ZNF536: variants seen among roughly 807,000 people sequenced by gnomAD.
ZNF536 encodes the protein zinc finger protein 536.
In ZNF536, 13 loss-of-function variants were observed where a neutral mutation model predicts 84.5. The ratio of observed to expected loss-of-function variants is 0.15; its 90% CI spans 0.10 to 0.24. ZNF536 has a LOEUF of 0.24. Among genes scored for constraint, ZNF536 ranks in the 10% least tolerant of loss-of-function variants. ZNF536 has a pLI of 1.00. For missense variants in ZNF536, 1,536 were observed against 1,747.5 expected, an observed-to-expected ratio of 0.88 and a Z score of 2.16; for synonymous variants, 811 against 742.5, an observed-to-expected ratio of 1.09 and a Z score of -1.50.
chr19:30,361,342 T>C (rs887551119), intron 3 of ZNF536, among the ~76,000 whole-genome samples: 2 of 152,136 alleles, frequency 1.3e-5, no homozygotes, highest in Non-Finnish European at 2.9e-5. Flanking sequence ...TTTTCTCTTC[T>C]TTTTCTTTTT....
chr19:30,673,527 C>A (rs890997242), intron 1 of ZNF536, among the ~76,000 whole-genome samples: 2 of 152,180 alleles, frequency 1.3e-5, no homozygotes, highest in Non-Finnish European at 2.9e-5. Flanking sequence ...CTGGCACATA[C>A]ATCGCCCGCA....
intron 2 of ZNF536, among the ~76,000 whole-genome samples, chr19:30,318,995 G>A (rs1267743312): frequency 4.6e-5 from 7 of 152,190 alleles, no homozygotes; most frequent in African/African-American, 1.4e-4. Flanking sequence ...AACTTCTTTG[G>A]CTGGATGGAC....
At chr19:30,480,978 G>C (rs1013608674) in intron 2 of ZNF536, among the ~76,000 whole-genome samples, 1 of 150,050 alleles carries the variant, frequency 6.7e-6, no homozygotes, top group South Asian at 2.1e-4. Flanking sequence ...GCAGTGAGCC[G>C]AGTTCATGTC....
chr19:30,461,294 T>A (rs2053123317), intron 2 of ZNF536, among the ~76,000 whole-genome samples: 1 of 152,132 alleles, frequency 6.6e-6, no homozygotes, highest in Non-Finnish European at 1.5e-5. Flanking sequence ...TAACTCCACC[T>A]TTGGGCCATG....
intron 2 of ZNF536, among the ~76,000 whole-genome samples, chr19:30,453,836 G>A (rs1250670240): frequency 6.6e-6 from 1 of 152,238 alleles, no homozygotes; most frequent in East Asian, 1.9e-4. Flanking sequence ...AGAGAAAGTT[G>A]TCCAGGGCTT....
chr19:30,636,600 T>A (rs2049075732), intron 1 of ZNF536, among the ~76,000 whole-genome samples: 1 of 152,186 alleles, frequency 6.6e-6, no homozygotes. Context: ...GATGTTGGAT[T>A]TCCCCCACCC....
intron 1 of ZNF536, among the ~76,000 whole-genome samples, chr19:30,269,135 A>G (rs898924564): frequency 4.6e-5 from 7 of 152,388 alleles, no homozygotes; most frequent in African/African-American, 1.4e-4. Context: ...ACTTAAGGCA[A>G]GCATGGCTTT....
intron 1 of ZNF536, among the ~76,000 whole-genome samples, chr19:30,413,577 G>C (rs1700503561): frequency 6.6e-6 from 1 of 152,006 alleles, no homozygotes; most frequent in Non-Finnish European, 1.5e-5. Flanking sequence ...GTTGGGTATG[G>C]GGTTCTGTCA....
intron 3 of ZNF536, among the ~76,000 whole-genome samples, chr19:30,537,046 G>A (rs866183687): frequency 1.3e-5 from 2 of 152,246 alleles, no homozygotes; most frequent in Middle Eastern, 3.4e-3. Context: ...CCATGCATTT[G>A]TATTTCGTTG....
chr19:30,379,878 C>T (rs1431514447), intron 1 of ZNF536, among the ~76,000 whole-genome samples: 1 of 152,104 alleles, frequency 6.6e-6, no homozygotes, highest in Non-Finnish European at 1.5e-5. Flanking sequence ...TGCTAAGTGC[C>T]CTACTTACCT....
chr19:30,281,116 C>T (rs1043801601), intron 1 of ZNF536, among the ~76,000 whole-genome samples: 1 of 152,202 alleles, frequency 6.6e-6, no homozygotes, highest in East Asian at 1.9e-4. Context: ...CCTGTGCTCC[C>T]ACTTCCCCTT....
intron 1 of ZNF536, among the ~76,000 whole-genome samples, chr19:30,376,338 G>C (rs1470872924): frequency 6.6e-6 from 1 of 152,148 alleles, no homozygotes. Context: ...GGCTGGCCCT[G>C]TTCCACCCCG....
At chr19:30,601,846 G>A (rs548876374) in intron 1 of ZNF536, among the ~76,000 whole-genome samples, 25 of 152,216 alleles carry the variant, frequency 1.6e-4, no homozygotes, top group African/African-American at 3.1e-4. Context: ...TGGTGGCACC[G>A]TGGCTAGGAT....
chr19:30,383,814 CTCTTTCTTTCTT>C (rs1320247835), intron 1 of ZNF536, among the ~76,000 whole-genome samples: 1 of 141,968 alleles, frequency 7.0e-6, no homozygotes, highest in Non-Finnish European at 1.5e-5. Flanking sequence ...CTTTCTTTCT[CTCTTTCTTTCTT>C]TCTCCTTCTT....
chr19:30,391,786 C>T (rs1244130357), intron 1 of ZNF536, among the ~76,000 whole-genome samples: 1 of 152,162 alleles, frequency 6.6e-6, no homozygotes, highest in African/African-American at 2.4e-5. Context: ...TTCCACTAAA[C>T]TTTCCCTTGT....
chr19:30,701,644 C>T (rs528185422), intron 1 of ZNF536, among the ~76,000 whole-genome samples: 4 of 152,344 alleles, frequency 2.6e-5, no homozygotes, highest in African/African-American at 9.6e-5. Flanking sequence ...ACCAGAGGCC[C>T]CTCTTTGTAG....
chr19:30,569,601 T>C (rs2046472483), intron 1 of ZNF536, among the ~76,000 whole-genome samples: 1 of 137,286 alleles, frequency 7.3e-6, no homozygotes. Flanking sequence ...AGACAGAGTT[T>C]GCTCTGTCAC....
At chr19:30,522,131 C>T (rs1225830978) in intron 2 of ZNF536, among the ~76,000 whole-genome samples, 1 of 151,402 alleles carries the variant, frequency 6.6e-6, no homozygotes, top group East Asian at 1.9e-4. Flanking sequence ...CCTCAGCTGT[C>T]TCCTTGGCTC....
chr19:30,695,033 T>A (rs1036326389), intron 1 of ZNF536, among the ~76,000 whole-genome samples: 4 of 152,132 alleles, frequency 2.6e-5, no homozygotes, highest in African/African-American at 9.7e-5. Flanking sequence ...ACGTGGAGAA[T>A]GGGAGGAAGA....
Sources: gnomAD v4.1 joint callset for allele counts (sites outside exome capture counted in the v4.1 genomes callset) on GRCh38, gnomAD v4.1.1 for gene constraint, MANE v1.5 for transcripts, NCBI Gene and HGNC (gene_info 2026-07-23, HGNC 2026-07-21) for gene names.